Variants in SEMA4G observed in about 807,000 individuals in gnomAD.
SEMA4G encodes semaphorin-4G.
SEMA4G carries 59 observed loss-of-function variants against 81.2 expected under a neutral mutation model. The ratio of observed to expected loss-of-function variants is 0.73; its 90% CI spans 0.59 to 0.90. The LOEUF (loss-of-function observed/expected upper bound fraction) is 0.90, where lower values mean the gene tolerates loss of function less well. Ranked by LOEUF, SEMA4G falls within the 40% of genes least tolerant of loss-of-function variation. SEMA4G has a pLI of 0.00. For synonymous variants in SEMA4G, 404 were observed against 433.9 expected (o/e 0.93, Z 0.86); for missense variants, 952 against 1,102.3 (o/e 0.86, Z 1.93).
chr10:100,980,571 A>G lies in SEMA4G; in HGVS notation c.1352-7A>G. The G allele has an allele frequency of 1.2e-6, 2 of 1,611,246 alleles. No individual in the cohort carries two copies. Among genetic ancestry groups the G allele is most frequent in the Non-Finnish European group, 1.7e-6 (2 of 1,177,432 alleles). Reference sequence around the variant, plus strand: ...TGGGGTCTAACTCTCTGCTCTTTCCATACCAGCTGATGGCTGGATCCACAA... The same window carrying G: ...TGGGGTCTAACTCTCTGCTCTTTCCGTACCAGCTGATGGCTGGATCCACAA... On this transcript the variant is annotated splice_region_variant and splice_polypyrimidine_tract_variant and intron_variant, in intron 10 of 13. Transcript: ENST00000370250.
rs927520643 is a variant in SEMA4G at position 100,978,466 on chromosome 10, A to G, written c.530-61A>G. The G allele has an allele frequency of 6.3e-6, 10 of 1,594,798 alleles. No homozygotes were observed. In the Admixed American group the frequency reaches 1.0e-4, roughly 16 times the overall value. ...TCATCTCTAGGACCTGCCACCATGT[A>G]TATGTCATGTGCCCTGTTGAATATG... is the stretch of plus-strand genomic sequence containing the variant. On this transcript the variant is annotated intron_variant, in intron 5 of 13. Coordinates refer to ENST00000370250, the Ensembl canonical transcript of SEMA4G.
chr10:100,975,946 C>T (rs1042285177), intron 3 of SEMA4G, among the ~76,000 whole-genome samples: 1 of 152,048 alleles, frequency 6.6e-6, no homozygotes, highest in Non-Finnish European at 1.5e-5. Flanking sequence ...GGAAACATCA[C>T]TTTAGGAATA....
At chr10:100,969,624 G>A (rs1048501117), upstream of SEMA4G, 8 of 312,288 alleles carry the variant, frequency 2.6e-5, no homozygotes, top group Non-Finnish European at 5.2e-5. Flanking sequence ...GCGGCGCCCT[G>A]GCGTGAGCCT....
upstream of SEMA4G, among the ~76,000 whole-genome samples, chr10:100,970,690 C>T (rs1425477229): frequency 6.6e-6 from 1 of 152,198 alleles, no homozygotes; most frequent in Non-Finnish European, 1.5e-5. Context: ...GCCTCCAAGC[C>T]TATGGCAAAA....
downstream of SEMA4G, chr10:100,985,603 C>T (rs1010346124): frequency 9.8e-5 from 15 of 152,598 alleles, no homozygotes; most frequent in African/African-American, 3.6e-4. Flanking sequence ...TAATAAACAC[C>T]CTTTTTCCCC....
At chr10:100,979,945 C>G (rs199762950) in exon 9 of SEMA4G, 1 of 1,613,908 alleles carries the variant, frequency 6.2e-7, no homozygotes, top group Non-Finnish European at 8.5e-7. Flanking sequence ...TGGTTCCCGG[C>G]GCTGGGGTCG....
At chr10:100,983,860 T>C (rs1283942354) in exon 14 of SEMA4G, 1 of 1,579,270 alleles carries the variant, frequency 6.3e-7, no homozygotes, top group South Asian at 1.2e-5. Context: ...GCTGGGGGCC[T>C]GGAGGGCAGC....
chr10:100,984,624 G>T (rs1217004954), exon 14 of SEMA4G: 14 of 1,536,194 alleles, frequency 9.1e-6, no homozygotes, highest in Non-Finnish European at 1.2e-5. Flanking sequence ...ACACATGGAA[G>T]AATGTTTATC....
chr10:100,975,209 T>A (rs1211497169), intron 3 of SEMA4G: 1 of 353,488 alleles, frequency 2.8e-6, no homozygotes. Flanking sequence ...GCTCTAACTT[T>A]AATGTATCAC....
chr10:100,977,022 GA>G (rs1029182487), intron 3 of SEMA4G, among the ~76,000 whole-genome samples: 3 of 152,298 alleles, frequency 2.0e-5, no homozygotes, highest in Non-Finnish European at 1.5e-5. Flanking sequence ...GAGAGGGACT[GA>G]ATGTGGGGGT....
chr10:100,979,465 C>T, intron 8 of SEMA4G, 194 bp downstream of exon 9: 1 of 1,410,546 alleles, frequency 7.1e-7, no homozygotes, highest in Non-Finnish European at 9.5e-7. Flanking sequence ...TCACTGCAAT[C>T]TCCGCCTCCC....
intron 13 of SEMA4G, among the ~76,000 whole-genome samples, chr10:100,982,022 C>T (rs536474906): frequency 6.9e-6 from 1 of 145,792 alleles, no homozygotes; most frequent in Admixed American, 6.9e-5. Context: ...CACACCATTG[C>T]ACTCCAGCCT....
rs1158195931 is a variant in SEMA4G at position 100,979,794 on chromosome 10, G to C, written c.984-54G>C. The C allele has an allele frequency of 1.4e-5, 22 of 1,599,818 alleles. No individual in the cohort carries two copies. In the South Asian group the frequency reaches 1.9e-4, roughly 14 times the overall value. On this transcript the variant is annotated intron_variant, in intron 8 of 13. Coordinates refer to ENST00000370250, the Ensembl canonical transcript of SEMA4G. ...GAGCTTCAGGCTGAGCACGAGTTGG[G>C]GGGCAGGCTTGACTCCATGTAACTC...
rs189664059 is a variant in SEMA4G at position 100,977,020 on chromosome 10, C to A, written c.337-612C>A. Among the ~76,000 whole-genome samples, 3 of 152,098 alleles carry A rather than the reference C, an allele frequency of 2.0e-5. No individual in the cohort carries two copies. The East Asian group carries it at 5.8e-4, about 29-fold the overall frequency. ...ACAATGAATTAATTGTGGAGAGGGA[C>A]TGAATGTGGGGGTGAGGAAGTAGGA... On this transcript the variant is annotated intron_variant, in intron 3 of 13. Coordinates refer to ENST00000370250, the Ensembl canonical transcript of SEMA4G.
chr10:100,981,652 G>C, intron 13 of SEMA4G: 1 of 1,335,956 alleles, frequency 7.5e-7, no homozygotes, highest in Admixed American at 1.8e-5. Context: ...TACTGTCACA[G>C]CATTCTTATG....
At chr10:100,984,567 A>G in exon 14 of SEMA4G, 1 of 1,536,188 alleles carries the variant, frequency 6.5e-7, no homozygotes, top group South Asian at 1.2e-5. Context: ...TCCTGAAACC[A>G]GACAAGACCT....
chr10:100,972,814 G>A, exon 1 of SEMA4G: 1 of 1,371,248 alleles, frequency 7.3e-7, no homozygotes, highest in Non-Finnish European at 1.0e-6. Flanking sequence ...GACTTCCTTG[G>A]ACTTTGACCC....
chr10:100,976,008 A>G (rs1034130787), intron 3 of SEMA4G, among the ~76,000 whole-genome samples: 1 of 152,216 alleles, frequency 6.6e-6, no homozygotes, highest in African/African-American at 2.4e-5. Context: ...GTCTGGAGGC[A>G]GGAAAAGCAG....
Position 100,973,439 on chromosome 10 carries a change from A to T in SEMA4G, c.274-108A>T. On this transcript the variant is annotated intron_variant, in intron 2 of 13. Coordinates refer to ENST00000370250, the Ensembl canonical transcript of SEMA4G. This position sits in a 1 kb window ranked among gnomAD's most constrained non-coding sequence, Gnocchi z 5.5. ...CCTTGCATTCAGTGTTCCTCCTGAA[A>T]TTGATCCCCACCCCAATTTCCCCAA... 7.0e-7 allele frequency: 1 copy of T among 1,420,918 alleles called. No individual in the cohort carries two copies. Among genetic ancestry groups the T allele is most frequent in the Non-Finnish European group, 9.8e-7 (1 of 1,023,886 alleles). 88.0% of individuals were successfully genotyped at this position (1,420,918 alleles called of 1,614,324 possible).
Sources: gnomAD v4.1 joint callset for allele counts (sites outside exome capture counted in the v4.1 genomes callset) on GRCh38, gnomAD v4.1.1 for gene constraint, Gnocchi (gnomAD v3.1) non-coding constraint, MANE v1.5 for transcripts, NCBI Gene and HGNC (gene_info 2026-07-23, HGNC 2026-07-21) for gene names.